The following GSG1L variants were observed in gnomAD, a reference collection of about 807,000 sequenced individuals.
GSG1L encodes GSG1 like.
In GSG1L, 24 loss-of-function variants were observed where a neutral mutation model predicts 42.1. The ratio of observed to expected loss-of-function variants is 0.57; its 90% confidence interval spans 0.41 to 0.80. The LOEUF (loss-of-function observed/expected upper bound fraction) is 0.80. Ranked by LOEUF, GSG1L falls within the 30% of genes least tolerant of loss-of-function variation. GSG1L has a pLI of 0.00. For missense variants in GSG1L, 445 were observed against 472.2 expected, an observed-to-expected ratio of 0.94 and a Z score of 0.53; for synonymous variants, 215 against 203.5, an observed-to-expected ratio of 1.06 and a Z score of -0.48.
At chr16:27,851,000 A>G (rs997611705) in intron 3 of GSG1L, among the ~76,000 whole-genome samples, 2 of 152,018 alleles carry the variant, frequency 1.3e-5, no homozygotes, top group African/African-American at 4.8e-5. Flanking sequence ...TTCCATGCCC[A>G]TGCAGAATGA....
intron 1 of GSG1L, among the ~76,000 whole-genome samples, chr16:27,966,838 C>T (rs1045879725): frequency 1.3e-5 from 2 of 152,204 alleles, no homozygotes; most frequent in South Asian, 2.1e-4. Flanking sequence ...GTAATTTTCT[C>T]TTAAAGAATC....
intron 2 of GSG1L, among the ~76,000 whole-genome samples, chr16:27,898,565 CTCT>C (rs2141039735): frequency 6.6e-6 from 1 of 152,046 alleles, no homozygotes; most frequent in African/African-American, 2.4e-5. Flanking sequence ...CTTCCTCCTC[CTCT>C]TTCTTCTCCT....
At chr16:27,875,525 T>A (rs1315949278) in intron 3 of GSG1L, among the ~76,000 whole-genome samples, 2 of 152,160 alleles carry the variant, frequency 1.3e-5, no homozygotes, top group Admixed American at 1.3e-4. Flanking sequence ...ACCGGATCGT[T>A]CGGTTCCACT....
At chr16:28,014,483 C>T (rs1213442361) in intron 1 of GSG1L, among the ~76,000 whole-genome samples, 2 of 151,670 alleles carry the variant, frequency 1.3e-5, no homozygotes, top group African/African-American at 4.8e-5. Flanking sequence ...GATAAGCACA[C>T]GGAAAGGGGA....
chr16:27,959,057 C>T (rs2085037616), intron 2 of GSG1L, among the ~76,000 whole-genome samples: 1 of 152,038 alleles, frequency 6.6e-6, no homozygotes, highest in Non-Finnish European at 1.5e-5. Context: ...TCTCATGGTT[C>T]CTGGCAAACA....
In GSG1L at chr16:28,015,840, T is replaced by C. The variant is rs2085774274; in HGVS notation, c.349+47236A>G. Among the ~76,000 whole-genome samples, 5 of 152,188 alleles carry C rather than the reference T, an allele frequency of 3.3e-5. No homozygotes were observed. The South Asian group carries it at 1.0e-3, about 32-fold the overall frequency. On this transcript the variant is annotated intron_variant, in intron 1 of 6. Coordinates refer to ENST00000447459, the MANE Select transcript of GSG1L (RefSeq NM_001109763.2). Reference sequence around the variant, plus strand: ...TCTGGTACCAGCTTGGTTCCAGTGGTGGCCGGATTTGTGGTTTCAAGAACC... The same window carrying C: ...TCTGGTACCAGCTTGGTTCCAGTGGCGGCCGGATTTGTGGTTTCAAGAACC...
intron 1 of GSG1L, among the ~76,000 whole-genome samples, chr16:28,023,357 A>G (rs1000722988): frequency 1.3e-5 from 2 of 152,200 alleles, no homozygotes; most frequent in Non-Finnish European, 2.9e-5. Context: ...CAATTCATTT[A>G]GCCGTCCCCC....
chr16:28,058,644 A>C (rs2086306101), intron 1 of GSG1L, among the ~76,000 whole-genome samples: 2 of 138,916 alleles, frequency 1.4e-5, no homozygotes, highest in African/African-American at 5.4e-5. Context: ...AAACAAACAA[A>C]CCATGTCGAG....
At chr16:27,863,432 C>A (rs1242097231) in intron 3 of GSG1L, 1 of 152,172 alleles carries the variant, frequency 6.6e-6, no homozygotes, top group Non-Finnish European at 1.5e-5. Flanking sequence ...TCAGGTATAT[C>A]TTTTCCCATT....
At chr16:27,825,465 G>GT (rs1459891929) in intron 5 of GSG1L, among the ~76,000 whole-genome samples, 3 of 152,200 alleles carry the variant, frequency 2.0e-5, no homozygotes, top group African/African-American at 7.2e-5. Flanking sequence ...GCGGCTAGGA[G>GT]TTTGAAGCCA....
chr16:27,911,937 T>G (rs975062576), intron 2 of GSG1L, among the ~76,000 whole-genome samples: 1 of 151,984 alleles, frequency 6.6e-6, no homozygotes, highest in Non-Finnish European at 1.5e-5. Flanking sequence ...GAGGCAGGGG[T>G]TTTTGTCTCC....
At chr16:27,996,663 T>G (rs2085517605) in intron 1 of GSG1L, among the ~76,000 whole-genome samples, 1 of 152,258 alleles carries the variant, frequency 6.6e-6, no homozygotes, top group Admixed American at 6.5e-5. Context: ...TGTGGTCTCT[T>G]GACATTCTCC....
At chr16:27,812,526 G>T (rs1644604) in intron 5 of GSG1L, among the ~76,000 whole-genome samples, 22,473 of 152,192 alleles carry the variant, frequency 0.15, 1,921 homozygotes, top group Middle Eastern at 0.21. Context: ...GACGGGATTC[G>T]GCCTGCGTGG....
In GSG1L at chr16:27,791,316, C is replaced by A; in HGVS notation, c.*54G>T. On this transcript the variant is annotated 3_prime_UTR_variant, in exon 7 of 7. Transcript: ENST00000447459. The stretch of plus-strand genomic sequence containing the variant: ...GGGCACCACTCTGGTGGTCTTGCAG[C>A]AGGGGCTGGTGCCAGCGATGGCCTG... 1 of 1,176,296 alleles carries A rather than the reference C, an allele frequency of 8.5e-7. No individual in the cohort carries two copies. The highest frequency in any genetic ancestry group is 2.4e-5 in the South Asian group (1 of 41,434). The allele number at this position is 1,176,296 out of a possible 1,614,324, so 72.9% of individuals were successfully genotyped here.
rs748290371 is a variant in GSG1L, at chr16:27,963,174, C to T, written c.379G>A (p.Ala127Thr). 6.2e-7 allele frequency: 1 copy of T among 1,613,840 alleles called. No individual in the cohort carries two copies. Among genetic ancestry groups the T allele is most frequent in the Non-Finnish European group, 8.5e-7 (1 of 1,179,754 alleles). ...CACTCACCTTTCTCCGATGCCGGGG[C>T]CAGGTCAATGAAGCTGCGACATTTT... Reference protein sequence around the residue: ...GEKCRSFIDLAPASEKGVLWL... With the variant: ...GEKCRSFIDLTPASEKGVLWL... Residue 127 changes from alanine to threonine, a missense_variant, in exon 2 of 7, where the codon GCC (alanine) becomes ACC (threonine). Physicochemically the swap from Ala to Thr is moderately conservative, Grantham distance 58 (BLOSUM62 0). This residue lies in a region of GSG1L where 149 missense variants were observed against 223.3 expected (regional missense o/e 0.67). Transcript: ENST00000447459.
chr16:27,824,064 T>A (rs142861751), intron 5 of GSG1L: 4 of 646,270 alleles, frequency 6.2e-6, no homozygotes, highest in Admixed American at 4.2e-5. Flanking sequence ...ACCCTCGCCA[T>A]CTCCATCCTA....
chr16:28,001,019 GGGAGT>G (rs1171678517), intron 1 of GSG1L, among the ~76,000 whole-genome samples: 1 of 152,116 alleles, frequency 6.6e-6, no homozygotes, highest in Non-Finnish European at 1.5e-5. Context: ...TGATTATTCA[GGGAGT>G]GGATTGCTCA....
chr16:27,802,177 G>A (rs536821010), intron 6 of GSG1L, among the ~76,000 whole-genome samples: 2 of 152,214 alleles, frequency 1.3e-5, no homozygotes, highest in African/African-American at 4.8e-5. Context: ...GCTTGGGTCT[G>A]TCTCCCCAAC....
At chr16:27,847,552 C>A (rs1302223481) in intron 3 of GSG1L, among the ~76,000 whole-genome samples, 2 of 152,188 alleles carry the variant, frequency 1.3e-5, no homozygotes, top group African/African-American at 4.8e-5. Flanking sequence ...AAAGCAGAGC[C>A]AGGAAAGTGA....
Sources: allele counts gnomAD v4.1 joint callset (sites outside exome capture counted in the v4.1 genomes callset), GRCh38; gene constraint gnomAD v4.1.1; regional missense constraint gnomAD v4.1.1; transcripts MANE v1.5; gene names NCBI Gene and HGNC (gene_info 2026-07-23, HGNC 2026-07-21).